The following EML6 variants were observed in gnomAD, a reference collection of about 807,000 sequenced individuals.
EML6 encodes the protein echinoderm microtubule-associated protein-like 6.
EML6 carries 154 observed loss-of-function variants against 240.1 expected under a neutral mutation model. The observed-to-expected ratio is 0.64, with a 90% CI of 0.56 to 0.73. EML6 has a LOEUF of 0.73. Ranked by LOEUF, EML6 falls within the 30% of genes least tolerant of loss-of-function variation. EML6 has a pLI of 0.00. For missense variants in EML6, 2,964 were observed against 2,474.6 expected, an observed-to-expected ratio of 1.20 and a Z score of -4.20; for synonymous variants, 1,148 against 899.0, an observed-to-expected ratio of 1.28 and a Z score of -4.95.
Position 54,822,001 on chromosome 2 carries a change from A to G in EML6, c.525+1539A>G, listed in dbSNP as rs1460205968. Among the ~76,000 whole-genome samples the G allele has an allele frequency of 1.3e-5, 2 of 152,082 alleles. 1 individual carries two copies. Among genetic ancestry groups the G allele is most frequent in the African/African-American group, 4.8e-5 (2 of 41,434 alleles). ...TTCTGTATAATTCCTTTTTTCCACAAAAAGAGGGAAACCGCAAACTAGCAA... is the reference window on the plus strand; with the variant it reads ...TTCTGTATAATTCCTTTTTTCCACAGAAAGAGGGAAACCGCAAACTAGCAA... On this transcript the variant is annotated intron_variant, in intron 5 of 41. Transcript: ENST00000356458.
intron 26 of EML6, among the ~76,000 whole-genome samples, chr2:54,927,312 C>T: frequency 6.6e-6 from 1 of 152,180 alleles, no homozygotes; most frequent in East Asian, 1.9e-4. Flanking sequence ...GCACCTGTTT[C>T]CTGCTGTATG....
intron 2 of EML6, among the ~76,000 whole-genome samples, chr2:54,771,521 A>T (rs1043467612): frequency 6.6e-6 from 1 of 152,292 alleles, no homozygotes; most frequent in Non-Finnish European, 1.5e-5. Flanking sequence ...AAATGAAGAC[A>T]GATGCAGGAA....
At chr2:54,862,912 A>G (rs1670759518) in intron 12 of EML6, among the ~76,000 whole-genome samples, 1 of 152,200 alleles carries the variant, frequency 6.6e-6, no homozygotes, top group Non-Finnish European at 1.5e-5. Flanking sequence ...GGACAATTGT[A>G]ACAGGCAGTG....
At chr2:54,841,251 G>A (rs1300818168) in intron 7 of EML6, among the ~76,000 whole-genome samples, 1 of 152,220 alleles carries the variant, frequency 6.6e-6, no homozygotes, top group Non-Finnish European at 1.5e-5. Context: ...TGTTTGCAGT[G>A]GAGGATTTTG....
At chr2:54,726,835 G>A (rs1282195484) in intron 2 of EML6, among the ~76,000 whole-genome samples, 1 of 152,212 alleles carries the variant, frequency 6.6e-6, no homozygotes, top group Non-Finnish European at 1.5e-5. Context: ...TTCCATTACA[G>A]CATCAAAATA....
Position 54,850,100 on chromosome 2 carries a change from G to A in EML6, c.1326G>A (p.Lys442=). ...TCTATGCTGTTGCCCAGAGGTATAA[G>A]AAAATTGGAGAATGCAGCAAGTCCC... ...VDVYAVAQRY[K]KIGECSKSLS... is the part of the protein sequence containing the mutation. Residue 442 remains lysine, a synonymous_variant, in exon 10 of 42, where the codon AAG becomes AAA. Transcript: ENST00000356458. 6.4e-7 allele frequency: 1 copy of A among 1,552,086 alleles called. No individual in the cohort carries two copies. The highest frequency in any genetic ancestry group is 2.0e-5 in the Admixed American group (1 of 51,006).
Position 54,856,220 on chromosome 2 carries a change from C to G in EML6, c.1657+2365C>G, listed in dbSNP as rs575749207. Among the ~76,000 whole-genome samples the G allele has an allele frequency of 5.9e-5, 9 of 152,298 alleles. 2 individuals are homozygous for G. The highest frequency in any genetic ancestry group is 2.2e-4 in the African/African-American group (9 of 41,556). ...AATTAGGATCAATACTGACAGCTTT[C>G]CCTGATACCACTTAGACTATATCCT... is the stretch of plus-strand genomic sequence containing the variant. On this transcript the variant is annotated intron_variant, in intron 11 of 41. Coordinates refer to ENST00000356458, the MANE Select transcript of EML6 (RefSeq NM_001039753.4).
In EML6 at chr2:54,760,030, T is replaced by C. The variant is rs528758955; in HGVS notation, c.197+34772T>C. On this transcript the variant is annotated intron_variant, in intron 2 of 41. Coordinates refer to ENST00000356458, the MANE Select transcript of EML6 (RefSeq NM_001039753.4). ...CGGCTCCGATTCTGGGCCATTACTC[T>C]GATGCATTAAGAATGTTAGTAATTT... 3.3e-4 allele frequency among the ~76,000 whole-genome samples: 50 copies of C among 152,006 alleles called. No individual in the cohort carries two copies. The South Asian group carries it at 0.01, about 31-fold the overall frequency.
chr2:54,961,184 G>GTTGTTTTTTTTTTTTTTTTCTTTTTT lies in EML6; in HGVS notation c.4968+852_4968+853insGTTTTTTTTTTTTTTTTCTTTTTTTT. 3.6e-5 allele frequency among the ~76,000 whole-genome samples: 2 copies of GTTGTTTTTTTTTTTTTTTTCTTTTTT among 55,424 alleles called. 1 individual carries two copies. The highest frequency in any genetic ancestry group is 6.3e-5 in the Non-Finnish European group (2 of 31,670). The allele number at this position is 55,424 out of a possible 152,430, so 36.4% of individuals were successfully genotyped here. On this transcript the variant is annotated intron_variant, in intron 35 of 41. Coordinates refer to ENST00000356458, the MANE Select transcript of EML6 (RefSeq NM_001039753.4). ...GGAGCCTGGAAGTTATCAGGAAGTA[G>GTTGTTTTTTTTTTTTTTTTCTTTTTT]TTTTTTTTTTTTTTTTTTTGAGACG...
rs1670721877 is a variant in EML6 at position 54,862,354 on chromosome 2, A to AC, written c.1826-1429_1826-1428insC. 6.6e-5 allele frequency among the ~76,000 whole-genome samples: 10 copies of AC among 150,966 alleles called. No individual in the cohort carries two copies. In the South Asian group the frequency reaches 2.1e-3, roughly 32 times the overall value. The stretch of plus-strand genomic sequence containing the variant: ...CTCCATCTCTAAAAAAAAAAAAAAA[A>AC]AAAAAAAAAAACTTTCTCTGAAGAG... On this transcript the variant is annotated intron_variant, in intron 12 of 41. Coordinates refer to ENST00000356458, the MANE Select transcript of EML6 (RefSeq NM_001039753.4).
intron 2 of EML6, among the ~76,000 whole-genome samples, chr2:54,757,888 T>C (rs1208850441): frequency 6.6e-6 from 1 of 151,978 alleles, no homozygotes; most frequent in Non-Finnish European, 1.5e-5. Context: ...GCTCCTTTTT[T>C]TTTTTTTTTC....
At chr2:54,927,479 G>A (rs1674616538) in intron 26 of EML6, among the ~76,000 whole-genome samples, 1 of 152,172 alleles carries the variant, frequency 6.6e-6, no homozygotes, top group Admixed American at 6.5e-5. Context: ...TATTCCCTCG[G>A]AGTCGCTGAG....
At chr2:54,873,857 C>T (rs927905357) in intron 16 of EML6, among the ~76,000 whole-genome samples, 1 of 144,904 alleles carries the variant, frequency 6.9e-6, no homozygotes, top group Admixed American at 7.0e-5. Flanking sequence ...CAATGTATAA[C>T]AAAGCTGTGA....
At chr2:54,927,506 A>G (rs1407226228) in intron 26 of EML6, among the ~76,000 whole-genome samples, 2 of 152,154 alleles carry the variant, frequency 1.3e-5, no homozygotes, top group East Asian at 1.9e-4. Flanking sequence ...GAAAAACTCC[A>G]TGTCTTTAAA....
chr2:54,932,097 T>C (rs1674893635), intron 28 of EML6, among the ~76,000 whole-genome samples: 1 of 152,234 alleles, frequency 6.6e-6, no homozygotes, highest in Admixed American at 6.5e-5. Context: ...AGCCATATGA[T>C]CTTCAGTTCT....
intron 2 of EML6, among the ~76,000 whole-genome samples, chr2:54,742,514 C>T (rs950488081): frequency 2.3e-4 from 35 of 152,210 alleles, no homozygotes; most frequent in Non-Finnish European, 4.0e-4. Context: ...GTAGCATTTT[C>T]TCCGTCTCTT....
Position 54,813,365 on chromosome 2 carries a change from T to A in EML6, c.331T>A (p.Cys111Ser). The A allele has an allele frequency of 6.4e-7, 1 of 1,551,686 alleles. No individual in the cohort carries two copies. Among genetic ancestry groups the A allele is most frequent in the Non-Finnish European group, 8.7e-7 (1 of 1,146,872 alleles). ...AGATGTCCATACACATGGAGTTGCC[T>A]GCCTGGCTTTTGACTCAGATGGACA... is the stretch of plus-strand genomic sequence containing the variant. ...LKDVHTHGVA[C>S]LAFDSDGQRL... The change falls in exon 3 of 42, where the codon TGC (cysteine) becomes AGC (serine). Residue 111 changes from cysteine to serine, a missense_variant. Physicochemically the swap from Cys to Ser is moderately radical, Grantham distance 112 (BLOSUM62 -1). Coordinates refer to ENST00000356458, the MANE Select transcript of EML6 (RefSeq NM_001039753.4).
intron 2 of EML6, among the ~76,000 whole-genome samples, chr2:54,807,914 A>AAT (rs1281671001): frequency 6.6e-6 from 1 of 152,166 alleles, no homozygotes; most frequent in African/African-American, 2.4e-5. Flanking sequence ...GTATTGCTGG[A>AAT]ATATAGTTTC....
intron 13 of EML6, 26 bp downstream of exon 13, chr2:54,863,915 T>C (rs1483148770): frequency 7.8e-7 from 1 of 1,283,634 alleles, no homozygotes; most frequent in Non-Finnish European, 1.1e-6. Context: ...GCAATGAAAA[T>C]TTGTAACCCC....
Sources: allele counts gnomAD v4.1 joint callset (sites outside exome capture counted in the v4.1 genomes callset), GRCh38; gene constraint gnomAD v4.1.1; transcripts MANE v1.5; gene names NCBI Gene and HGNC (gene_info 2026-07-23, HGNC 2026-07-21).